The following SSB variants were observed in gnomAD, a reference collection of about 807,000 sequenced individuals.
SSB encodes small RNA binding exonuclease protection factor La, also known as lupus La protein.
A neutral mutation model predicts 52.9 loss-of-function variants in SSB; 17 were observed. That is an observed-to-expected ratio of 0.32 (90% CI 0.22 to 0.48). The LOEUF (loss-of-function observed/expected upper bound fraction) is 0.48, where lower values mean the gene tolerates loss of function less well. Ranked by LOEUF, SSB falls within the 20% of genes least tolerant of loss-of-function variation. The pLI is 0.99. For missense variants in SSB, 314 were observed against 463.6 expected, an observed-to-expected ratio of 0.68 and a Z score of 2.96; for synonymous variants, 111 against 152.1, an observed-to-expected ratio of 0.73 and a Z score of 1.99.
chr2:169,811,039 C>A lies in SSB; in HGVS notation c.992C>A (p.Ser331Ter). ...DQQESLNKWK[S>*]KGRRFKGKGK... Reference sequence around the variant, plus strand: ...CAAGAATCCCTAAACAAATGGAAGTCAAAAGGTCATTTATTCTGATTTTTC... The same window carrying A: ...CAAGAATCCCTAAACAAATGGAAGTAAAAAGGTCATTTATTCTGATTTTTC... The change falls in exon 10 of 12, where the codon TCA becomes TAA. Residue 331 changes from serine (S) to a stop codon, truncating the protein, a stop_gained. Transcript: ENST00000260956. LOFTEE classifies it high-confidence loss of function. The A allele has an allele frequency of 6.2e-7, 1 of 1,608,674 alleles. No homozygotes were observed. Among genetic ancestry groups the A allele is most frequent in the South Asian group, 1.1e-5 (1 of 89,116 alleles).
chr2:169,811,418 A>G (rs1408502730), intron 11 of SSB, 95 bp downstream of exon 11: 1 of 1,407,154 alleles, frequency 7.1e-7, no homozygotes, highest in African/African-American at 1.5e-5. Context: ...TTGGCTTTTC[A>G]ACTCCTGGAT....
chr2:169,806,337 T>A (rs528358511), intron 4 of SSB, among the ~76,000 whole-genome samples: 13 of 152,322 alleles, frequency 8.5e-5, no homozygotes, highest in East Asian at 3.9e-4. Context: ...TGAAAAAAAA[T>A]ATATATACCA....
chr2:169,803,649 C>T (rs921228287), intron 2 of SSB, among the ~76,000 whole-genome samples: 1 of 152,010 alleles, frequency 6.6e-6, no homozygotes, highest in Admixed American at 6.6e-5. Context: ...CAATTGAGCC[C>T]GGGAGTTTCA....
At chr2:169,808,618 G>A (rs1689878732) in intron 7 of SSB, 65 bp downstream of exon 7, 4 of 1,410,664 alleles carry the variant, frequency 2.8e-6, no homozygotes, top group Non-Finnish European at 4.0e-6. Context: ...AAATATAGCT[G>A]GTGAGCTCTG....
At chr2:169,808,661 T>A in intron 7 of SSB, 108 bp downstream of exon 7, 1 of 1,114,558 alleles carries the variant, frequency 9.0e-7, no homozygotes, top group Non-Finnish European at 1.3e-6. Context: ...TCTTTGCTAG[T>A]GAAACACTGA....
At chr2:169,809,682 G>A (rs574665454) in intron 8 of SSB, among the ~76,000 whole-genome samples, 115 of 151,616 alleles carry the variant, frequency 7.6e-4, no homozygotes, top group Non-Finnish European at 1.2e-3. Flanking sequence ...GCGCGATCTC[G>A]GCTCACTGCA....
At chr2:169,806,010 G>C in intron 4 of SSB, 171 bp downstream of exon 4, 1 of 749,724 alleles carries the variant, frequency 1.3e-6, no homozygotes, top group South Asian at 1.5e-5. Flanking sequence ...TCATCCTGTT[G>C]CTCACGTTGG....
chr2:169,800,886 C>T (rs1689699256), intron 1 of SSB, 66 bp from the exon 2 acceptor site: 2 of 1,220,934 alleles, frequency 1.6e-6, no homozygotes, highest in Non-Finnish European at 2.3e-6. Flanking sequence ...ACTTTGTAAA[C>T]ATTATCTTTC....
chr2:169,805,129 C>CA lies in SSB; in HGVS notation c.67-336dup, dbSNP rs201348722. On this transcript the variant is annotated intron_variant, in intron 2 of 11. Transcript: ENST00000260956. Reference sequence around the variant, plus strand: ...TGAGCGACAGAGTAAGACTCTGTCTCAAAAAAAAATAAGAATTGAGTGATT... The same window carrying CA: ...TGAGCGACAGAGTAAGACTCTGTCTCAAAAAAAAAATAAGAATTGAGTGATT... 6.3e-3 allele frequency among the ~76,000 whole-genome samples: 940 copies of CA among 149,486 alleles called. 5 individuals are homozygous for CA. Among genetic ancestry groups the CA allele is most frequent in the African/African-American group, 0.022 (889 of 40,826 alleles).
intron 1 of SSB, among the ~76,000 whole-genome samples, chr2:169,800,526 C>A (rs1689688918): frequency 1.8e-5 from 1 of 54,082 alleles, no homozygotes. Flanking sequence ...AAAAGCGAGA[C>A]TCCGTCTCAA....
At chr2:169,810,257 T>C in intron 8 of SSB, 26 bp from the exon 9 acceptor site, 1 of 1,570,024 alleles carries the variant, frequency 6.4e-7, no homozygotes, top group African/African-American at 1.4e-5. Context: ...TAAGAAACTT[T>C]TTGATCACTT....
chr2:169,808,984 A>G, intron 8 of SSB, 82 bp downstream of exon 8: 2 of 1,112,134 alleles, frequency 1.8e-6, no homozygotes, highest in Non-Finnish European at 2.8e-6. Context: ...CTTTTTCAAG[A>G]AAATACGTAA....
At chr2:169,801,721 A>G (rs1689717302) in intron 2 of SSB, among the ~76,000 whole-genome samples, 1 of 151,944 alleles carries the variant, frequency 6.6e-6, no homozygotes, top group Non-Finnish European at 1.5e-5. Flanking sequence ...TTTAGTAGCG[A>G]CAGGGTTTCA....
chr2:169,808,922 A>G lies in SSB; in HGVS notation c.669+20A>G. The G allele has an allele frequency of 6.3e-7, 1 of 1,578,876 alleles. No homozygotes were observed. The highest frequency in any genetic ancestry group is 8.7e-7 in the Non-Finnish European group (1 of 1,148,610). On this transcript the variant is annotated intron_variant, in intron 8 of 11. Coordinates refer to ENST00000260956, the MANE Select transcript of SSB (RefSeq NM_003142.5). The stretch of plus-strand genomic sequence containing the variant: ...GAAATGGTAAGTATATATTACTGCT[A>G]TCTAGTACATCTGTAATTCGAAGTT...
chr2:169,811,616 A>G, intron 11 of SSB, 52 bp from the exon 12 acceptor site: 2 of 1,584,112 alleles, frequency 1.3e-6, no homozygotes, highest in Non-Finnish European at 1.7e-6. Context: ...TCAGTATTAA[A>G]CTAGAGCAGT....
At chr2:169,802,485 T>C (rs1689733185) in intron 2 of SSB, among the ~76,000 whole-genome samples, 1 of 152,046 alleles carries the variant, frequency 6.6e-6, no homozygotes, top group South Asian at 2.1e-4. Flanking sequence ...TGGTATTAAT[T>C]TCTTTATGAC....
intron 1 of SSB, among the ~76,000 whole-genome samples, chr2:169,799,877 TG>T (rs1433654847): frequency 2.0e-5 from 3 of 152,084 alleles, no homozygotes; most frequent in African/African-American, 7.2e-5. Context: ...CTCGATGATT[TG>T]TTCACATAAC....
At chr2:169,806,575 T>C (rs1488468546) in intron 4 of SSB, 1 of 424,992 alleles carries the variant, frequency 2.4e-6, no homozygotes, top group African/African-American at 2.0e-5. Flanking sequence ...TTCAACTGAA[T>C]TATTTTGAAG....
chr2:169,810,340 C>A lies in SSB; in HGVS notation c.727C>A (p.Gln243Lys). ...LLKFSGDLDD[Q>K]TCREDLHILF... ...GAAATTTTCGGGTGATTTAGATGAT[C>A]AGACCTGTAGAGAAGATTTACACAT... Residue 243 changes from glutamine to lysine, a missense_variant, in exon 9 of 12, where the codon CAG becomes AAG. Physicochemically the swap from Gln to Lys is moderately conservative, Grantham distance 53. Transcript: ENST00000260956. The A allele has an allele frequency of 1.2e-6, 2 of 1,609,026 alleles. No homozygotes were observed. The highest frequency in any genetic ancestry group is 1.7e-6 in the Non-Finnish European group (2 of 1,178,310).
Sources: gnomAD v4.1 joint callset for allele counts (sites outside exome capture counted in the v4.1 genomes callset) on GRCh38, gnomAD v4.1.1 for gene constraint, MANE v1.5 for transcripts, NCBI Gene and HGNC (gene_info 2026-07-23, HGNC 2026-07-21) for gene names.